Variants in MAST1 observed in about 807,000 individuals in gnomAD.
The protein encoded by MAST1 is microtubule-associated serine/threonine-protein kinase 1.
A neutral mutation model predicts 124.6 loss-of-function variants in MAST1; 40 were observed. The ratio of observed to expected loss-of-function variants is 0.32; its 90% CI spans 0.25 to 0.42. The LOEUF is 0.42. Among genes scored for constraint, MAST1 ranks in the 10% least tolerant of loss-of-function variants. MAST1 has a pLI of 1.00. For synonymous variants in MAST1, 938 were observed against 939.4 expected, an observed-to-expected ratio of 1.00 and a Z score of 0.03; for missense variants, 1,558 against 2,181.9, an observed-to-expected ratio of 0.71 and a Z score of 5.70.
In MAST1 at chr19:12,843,397, T is replaced by C; in HGVS notation, c.249-132T>C. On this transcript the variant is annotated intron_variant, in intron 3 of 25. Transcript: ENST00000251472. The surrounding 1 kb of genome is among the most constrained non-coding windows in gnomAD (Gnocchi z 4.9). Reference sequence around the variant, plus strand: ...TTTATCCCCTTGATTCTGAGGGCCTTGAGGAATCTTAGAGTGCAGATATAT... The same window carrying C: ...TTTATCCCCTTGATTCTGAGGGCCTCGAGGAATCTTAGAGTGCAGATATAT... The C allele has an allele frequency of 3.3e-6, 2 of 598,846 alleles. No individual in the cohort carries two copies. Among genetic ancestry groups the C allele is most frequent in the Non-Finnish European group, 5.8e-6 (2 of 342,354 alleles). The allele number at this position is 598,846 out of a possible 1,614,324, so 37.1% of individuals were successfully genotyped here. A position where few individuals can be genotyped will look rare whatever the true frequency, so the allele number is the denominator to read the frequency against.
At chr19:12,872,278 G>A (rs887196285) in intron 24 of MAST1, among the ~76,000 whole-genome samples, 2 of 152,106 alleles carry the variant, frequency 1.3e-5, no homozygotes, top group Admixed American at 6.6e-5. Flanking sequence ...TTTGTTTTTA[G>A]TATTCTGTTT....
intron 24 of MAST1, 33 bp from the exon 25 acceptor site, chr19:12,873,291 T>G: frequency 1.9e-6 from 3 of 1,597,162 alleles, no homozygotes; most frequent in Non-Finnish European, 2.6e-6. Context: ...GGCGTCCAGG[T>G]CAAGGACGCT....
chr19:12,839,605 G>A (rs529862731), intron 1 of MAST1, among the ~76,000 whole-genome samples: 4 of 152,278 alleles, frequency 2.6e-5, no homozygotes, highest in African/African-American at 9.6e-5. Context: ...GACATGTTTG[G>A]ACACAGTGTC....
In MAST1 at chr19:12,848,020, A is replaced by G. The variant is rs1469830746; in HGVS notation, c.737A>G (p.Tyr246Cys). Residue 246 changes from tyrosine (Y) to cysteine (C), a missense_variant, in exon 7 of 26, where the codon TAT becomes TGT. Coordinates refer to ENST00000251472, the MANE Select transcript of MAST1 (RefSeq NM_014975.3). ...GGCCTCATCACCACGGTCTACTTCT[A>G]TGAATTGCAGGAGAACCTGGAGAAG... ...RDGLITTVYFYELQENLEKLL... is the reference protein window; with the variant it reads ...RDGLITTVYFCELQENLEKLL... 1.9e-6 allele frequency: 3 copies of G among 1,614,122 alleles called. No individual in the cohort carries two copies. The highest frequency in any genetic ancestry group is 2.5e-6 in the Non-Finnish European group (3 of 1,179,992).
At chr19:12,860,512 T>G (rs1371842868) in intron 12 of MAST1, among the ~76,000 whole-genome samples, 1 of 147,984 alleles carries the variant, frequency 6.8e-6, no homozygotes, top group Non-Finnish European at 1.5e-5. Flanking sequence ...TGGCGCTATC[T>G]CGGCTCACTG....
intron 7 of MAST1, among the ~76,000 whole-genome samples, chr19:12,850,515 A>G (rs1032643439): frequency 6.6e-6 from 1 of 152,224 alleles, no homozygotes; most frequent in Middle Eastern, 3.2e-3. Context: ...AAGTTTACAT[A>G]TTTTATTTAT....
Position 12,865,894 on chromosome 19 carries a change from C to T in MAST1, c.1906+76C>T. 1 of 1,603,678 alleles carries T rather than the reference C, an allele frequency of 6.2e-7. No homozygotes were observed. ...TCCAAAACCCCAGGCCCAGCCTGTG[C>T]TGTGGCCCCGGGGCGGAAGACATGG... is the stretch of plus-strand genomic sequence containing the variant. On this transcript the variant is annotated intron_variant, in intron 16 of 25. Transcript: ENST00000251472. This position sits in a 1 kb window ranked among gnomAD's most constrained non-coding sequence, Gnocchi z 7.1.
At position 12,873,243 on chromosome 19, in the gene MAST1, C is replaced by A. The variant is rs1970260562; in HGVS notation, c.3264-81C>A. On this transcript the variant is annotated intron_variant, in intron 24 of 25. Coordinates refer to ENST00000251472, the MANE Select transcript of MAST1 (RefSeq NM_014975.3). ...AGGGCCAGAAGGGGTGGGTGGTTACCGTTGTGAGGCCGTGAAATGGGAGGA... is the reference window on the plus strand; with the variant it reads ...AGGGCCAGAAGGGGTGGGTGGTTACAGTTGTGAGGCCGTGAAATGGGAGGA... The A allele has an allele frequency of 4.3e-6, 6 of 1,406,758 alleles. No individual in the cohort carries two copies. The East Asian group carries it at 7.0e-5, about 16-fold the overall frequency. The allele number at this position is 1,406,758 out of a possible 1,614,324, so 87.1% of individuals were successfully genotyped here.
chr19:12,864,636 A>G (rs1013938914), intron 12 of MAST1, among the ~76,000 whole-genome samples, 173 bp from the exon 13 acceptor site: 1 of 152,200 alleles, frequency 6.6e-6, no homozygotes, highest in Non-Finnish European at 1.5e-5. Flanking sequence ...AGGATGGCTA[A>G]GAGGACAAGA....
In MAST1 at chr19:12,846,870, CA is replaced by C. The variant is rs386388580; in HGVS notation, c.328-396del. On this transcript the variant is annotated intron_variant, in intron 4 of 25. Transcript: ENST00000251472. ...AGGCAACAAGAACGAAACTCCATCT[CA>C]AAAAAAAAAAAAAAAAAAAAAAAGA... 6.0e-3 allele frequency among the ~76,000 whole-genome samples: 285 copies of C among 47,390 alleles called. 2 individuals are homozygous for C. The highest frequency in any genetic ancestry group is 6.5e-3 in the African/African-American group (75 of 11,614). 31.1% of individuals were successfully genotyped at this position (47,390 alleles called of 152,430 possible).
rs1311925798 is a variant in MAST1, at chr19:12,871,164, C to T, written c.3255C>T (p.Gly1085=). ...RRNKRPSAKE[G]QESKKRSSLF... is the part of the protein sequence containing the mutation. ...ACAAGCGACCCTCCGCCAAGGAGGG[C>T]CAGGAGAGGTGGGCACAGCCGTAAA... The change falls in exon 24 of 26, where the codon GGC becomes GGT. Residue 1085 remains glycine (G), a synonymous_variant. Coordinates refer to ENST00000251472, the MANE Select transcript of MAST1 (RefSeq NM_014975.3). 6.2e-7 allele frequency: 1 copy of T among 1,614,062 alleles called. No individual in the cohort carries two copies.
rs758258605 is a variant in MAST1 at position 12,865,523 on chromosome 19, A to C, written c.1804+42A>C. 1.6e-5 allele frequency: 24 copies of C among 1,540,536 alleles called. No individual in the cohort carries two copies. Among genetic ancestry groups the C allele is most frequent in the Non-Finnish European group, 2.0e-5 (23 of 1,143,936 alleles). ...TGTACAGGGGCAGAGTGTGGTGTGC[A>C]CGGAGAGATGGACAGGCTCAGGGTT... On this transcript the variant is annotated intron_variant, in intron 15 of 25. Coordinates refer to ENST00000251472, the MANE Select transcript of MAST1 (RefSeq NM_014975.3). The surrounding 1 kb of genome is among the most constrained non-coding windows in gnomAD (Gnocchi z 7.1).
At chr19:12,861,678 C>CTT in intron 12 of MAST1, among the ~76,000 whole-genome samples, 1 of 112,516 alleles carries the variant, frequency 8.9e-6, no homozygotes, top group African/African-American at 3.6e-5. Context: ...TTTTCTTTTT[C>CTT]TCTCTTTCTT....
At chr19:12,845,292 T>C (rs957467285) in intron 4 of MAST1, among the ~76,000 whole-genome samples, 3 of 146,926 alleles carry the variant, frequency 2.0e-5, no homozygotes, top group African/African-American at 7.6e-5. Flanking sequence ...GAAAGCTATA[T>C]GACCAGGCAT....
chr19:12,868,102 G>GGTTTT (rs1568414424), intron 20 of MAST1, 125 bp downstream of exon 20: 1 of 533,860 alleles, frequency 1.9e-6, no homozygotes, highest in Admixed American at 6.2e-5. Context: ...TGCAATTTGG[G>GGTTTT]ATTTTTTTTT....
chr19:12,852,460 C>T lies in MAST1; in HGVS notation c.1077+65C>T, dbSNP rs116323876. The T allele has an allele frequency of 1.8e-3, 2,609 of 1,458,948 alleles. 31 individuals are homozygous for T. The African/African-American group carries it at 0.03, about 17-fold the overall frequency. 90.4% of individuals were successfully genotyped at this position (1,458,948 alleles called of 1,614,324 possible). The stretch of plus-strand genomic sequence containing the variant: ...GGGAGGGCAGGGTGGGGCTCATCTC[C>T]GGCTTCTTTGCCCTCAGGCTTTGTG... On this transcript the variant is annotated intron_variant, in intron 10 of 25. Transcript: ENST00000251472.
chr19:12,847,245 G>T lies in MAST1; in HGVS notation c.328-45G>T. 1 of 1,383,980 alleles carries T rather than the reference G, an allele frequency of 7.2e-7. No individual in the cohort carries two copies. The highest frequency in any genetic ancestry group is 1.0e-6 in the Non-Finnish European group (1 of 983,148). 85.7% of individuals were successfully genotyped at this position (1,383,980 alleles called of 1,614,324 possible). On this transcript the variant is annotated intron_variant, in intron 4 of 25. Transcript: ENST00000251472. This position sits in a 1 kb window ranked among gnomAD's most constrained non-coding sequence, Gnocchi z 5.5. ...CCCAGCTCAGGGTCCTGAGCTGTTG[G>T]GGGGCCCATGGTGGCTCTGACCCCG... is the stretch of plus-strand genomic sequence containing the variant.
intron 12 of MAST1, among the ~76,000 whole-genome samples, chr19:12,863,628 T>TTC (rs1222908064): frequency 6.6e-6 from 1 of 152,146 alleles, no homozygotes; most frequent in African/African-American, 2.4e-5. Flanking sequence ...TCAGCTTACA[T>TTC]TCTATGAGCT....
chr19:12,866,897 T>C lies in MAST1; in HGVS notation c.2139+135T>C, dbSNP rs1970161596. 3 of 705,240 alleles carry C rather than the reference T, an allele frequency of 4.3e-6. No individual in the cohort carries two copies. Among genetic ancestry groups the C allele is most frequent in the Non-Finnish European group, 4.8e-6 (2 of 415,904 alleles). The allele number at this position is 705,240 out of a possible 1,614,324, so 43.7% of individuals were successfully genotyped here. ...ATTGATGGGGCGGGAGTCTGGAAGGTGGTAAGGCCACGCAAGAGGCAGGTT... is the reference window on the plus strand; with the variant it reads ...ATTGATGGGGCGGGAGTCTGGAAGGCGGTAAGGCCACGCAAGAGGCAGGTT... On this transcript the variant is annotated intron_variant, in intron 18 of 25. Coordinates refer to ENST00000251472, the MANE Select transcript of MAST1 (RefSeq NM_014975.3). This position sits in a 1 kb window ranked among gnomAD's most constrained non-coding sequence, Gnocchi z 5.2.
Sources: gnomAD v4.1 joint callset for allele counts (sites outside exome capture counted in the v4.1 genomes callset) on GRCh38, gnomAD v4.1.1 for gene constraint, Gnocchi (gnomAD v3.1) non-coding constraint, MANE v1.5 for transcripts, NCBI Gene and HGNC (gene_info 2026-07-23, HGNC 2026-07-21) for gene names.